ADGRA3: variants seen among roughly 807,000 people sequenced by gnomAD.
ADGRA3 encodes the protein G-protein coupled receptor 125.
ADGRA3 carries 56 observed loss-of-function variants against 119.8 expected under a neutral mutation model. That is an observed-to-expected ratio of 0.47 (90% CI 0.38 to 0.58). The LOEUF (loss-of-function observed/expected upper bound fraction) is 0.58. Ranked by LOEUF, ADGRA3 falls within the 20% of genes least tolerant of loss-of-function variation. ADGRA3 has a pLI of 0.00. For synonymous variants in ADGRA3, 607 were observed against 623.8 expected, an observed-to-expected ratio of 0.97 and a Z score of 0.40; for missense variants, 1,516 against 1,649.0, an observed-to-expected ratio of 0.92 and a Z score of 1.40.
At chr4:22,491,777 T>C (rs1371975710) in intron 1 of ADGRA3, among the ~76,000 whole-genome samples, 1 of 152,232 alleles carries the variant, frequency 6.6e-6, no homozygotes, top group Non-Finnish European at 1.5e-5. Flanking sequence ...GCCCAATCTT[T>C]GTCCCATACT....
chr4:22,395,904 A>T (rs1168121690), intron 16 of ADGRA3, among the ~76,000 whole-genome samples: 1 of 152,178 alleles, frequency 6.6e-6, no homozygotes. Flanking sequence ...TTCCAAATAC[A>T]TCTCTTGTGC....
intron 4 of ADGRA3, among the ~76,000 whole-genome samples, chr4:22,452,875 T>C (rs550704912): frequency 6.6e-6 from 1 of 152,266 alleles, no homozygotes; most frequent in East Asian, 1.9e-4. Context: ...CACAGATGTA[T>C]GGTTTTGTCA....
intron 7 of ADGRA3, 72 bp from the exon 8 acceptor site, chr4:22,438,492 T>G (rs901572752): frequency 1.7e-6 from 2 of 1,194,090 alleles, no homozygotes; most frequent in East Asian, 5.0e-5. Context: ...TGGGTCTCAA[T>G]CATTAATTTA....
intron 16 of ADGRA3, chr4:22,394,496 C>T (rs1162133300): frequency 6.6e-6 from 1 of 152,126 alleles, no homozygotes; most frequent in Non-Finnish European, 1.5e-5. Flanking sequence ...ATAAAATAAC[C>T]CTTTTGAGCT....
chr4:22,498,367 C>T (rs1718920120), intron 1 of ADGRA3, among the ~76,000 whole-genome samples: 1 of 152,048 alleles, frequency 6.6e-6, no homozygotes, highest in Non-Finnish European at 1.5e-5. Context: ...ACCTGTAATC[C>T]CAGCACTTTG....
chr4:22,408,026 T>C lies in ADGRA3; in HGVS notation c.2232+5156A>G, dbSNP rs1427360494. Among the ~76,000 whole-genome samples, 3 of 151,944 alleles carry C rather than the reference T, an allele frequency of 2.0e-5. No individual in the cohort carries two copies. In the East Asian group the frequency reaches 5.8e-4, roughly 29 times the overall value. ...TTTTAAAATAGATTGAAATCAGAAATGTAAAAAAACAAAAATGTTAAAAGA... is the reference window on the plus strand; with the variant it reads ...TTTTAAAATAGATTGAAATCAGAAACGTAAAAAAACAAAAATGTTAAAAGA... On this transcript the variant is annotated intron_variant, in intron 14 of 18. Coordinates refer to ENST00000334304, the MANE Select transcript of ADGRA3 (RefSeq NM_145290.4).
Position 22,387,781 on chromosome 4 carries a change from T to C in ADGRA3, c.3890A>G (p.Gln1297Arg). The change falls in exon 19 of 19, where the codon CAG becomes CGG. Residue 1297 changes from glutamine (Q) to arginine (R), a missense_variant. Gln to Arg is a conservative substitution (Grantham distance 43). Transcript: ENST00000334304. ...ATCGGTACCGAGCAAGGGTCCCTCC[T>C]GCCCATTGCTTTTAATTGGTCCATT... ...IQNGPIKSNG[Q>R]EGPLLGTDST... The C allele has an allele frequency of 6.2e-7, 1 of 1,614,094 alleles. No homozygotes were observed.
chr4:22,455,741 C>T (rs61792029), intron 3 of ADGRA3: 3 of 962,160 alleles, frequency 3.1e-6, no homozygotes, highest in South Asian at 1.4e-5. Flanking sequence ...TTTAATCAGA[C>T]ACCTGCACTG....
intron 8 of ADGRA3, among the ~76,000 whole-genome samples, chr4:22,436,848 A>C (rs767653269): frequency 2.6e-5 from 4 of 152,236 alleles, no homozygotes; most frequent in Non-Finnish European, 4.4e-5. Context: ...GTTTAATACA[A>C]GTTACCATGG....
At chr4:22,505,749 G>C (rs1344983728) in intron 1 of ADGRA3, among the ~76,000 whole-genome samples, 1 of 151,680 alleles carries the variant, frequency 6.6e-6, no homozygotes, top group Non-Finnish European at 1.5e-5. Flanking sequence ...ACATCAAAAA[G>C]AGCTACAGGG....
At chr4:22,465,167 G>A (rs1717610977) in intron 2 of ADGRA3, among the ~76,000 whole-genome samples, 1 of 152,140 alleles carries the variant, frequency 6.6e-6, no homozygotes, top group South Asian at 2.1e-4. Flanking sequence ...TATAATTATT[G>A]CTATCAATTA....
intron 4 of ADGRA3, among the ~76,000 whole-genome samples, chr4:22,450,713 G>A (rs186039479): frequency 5.9e-5 from 9 of 152,012 alleles, no homozygotes; most frequent in African/African-American, 2.2e-4. Flanking sequence ...GTAAAGGAAG[G>A]GGAAATGCAA....
chr4:22,426,242 C>T (rs1470241056), intron 10 of ADGRA3, among the ~76,000 whole-genome samples: 1 of 152,026 alleles, frequency 6.6e-6, no homozygotes, highest in Non-Finnish European at 1.5e-5. Flanking sequence ...CTGTAAAGTC[C>T]CACTCTCCCC....
At chr4:22,515,013 A>C (rs141968578) in intron 1 of ADGRA3, among the ~76,000 whole-genome samples, 2 of 152,338 alleles carry the variant, frequency 1.3e-5, no homozygotes, top group East Asian at 3.9e-4. Flanking sequence ...GGTGCTCTTT[A>C]ACTGTAATAA....
chr4:22,402,535 G>T, intron 15 of ADGRA3, 140 bp downstream of exon 15: 1 of 746,632 alleles, frequency 1.3e-6, no homozygotes, highest in Non-Finnish European at 2.2e-6. Context: ...TGAAATGAAG[G>T]CATGTATATA....
intron 2 of ADGRA3, among the ~76,000 whole-genome samples, chr4:22,466,138 T>A (rs952483008): frequency 6.6e-6 from 1 of 152,208 alleles, no homozygotes; most frequent in African/African-American, 2.4e-5. Flanking sequence ...TCAGGTGCGT[T>A]AAGGTAACTT....
Position 22,435,457 on chromosome 4 carries a change from T to G in ADGRA3, c.1297A>C (p.Asn433His). ...VLYMFNQMPL[N>H]LTNAVATARQ... ...GCTGTTGCCACGGCATTGGTAAGAT[T>G]GAGGGGCATCTACATTTCAAAGGCA... Residue 433 changes from asparagine to histidine, a missense_variant, in exon 10 of 19, where the codon AAT (asparagine) becomes CAT (histidine). Physicochemically the swap from Asn to His is moderately conservative, Grantham distance 68 (BLOSUM62 1). Around this residue, in one of 2 missense-constraint regions of ADGRA3, gnomAD observed 1,088 missense variants for 1,107.1 expected, o/e 0.98. Transcript: ENST00000334304. 1 of 1,592,912 alleles carries G rather than the reference T, an allele frequency of 6.3e-7. No homozygotes were observed. Among genetic ancestry groups the G allele is most frequent in the Non-Finnish European group, 8.6e-7 (1 of 1,163,914 alleles).
At chr4:22,428,448 G>A (rs546283140) in intron 10 of ADGRA3, among the ~76,000 whole-genome samples, 11 of 152,150 alleles carry the variant, frequency 7.2e-5, no homozygotes, top group Middle Eastern at 3.4e-3. Context: ...GATCTAGGCC[G>A]TTCCATATTT....
chr4:22,475,497 G>T (rs1577370875), intron 1 of ADGRA3, among the ~76,000 whole-genome samples: 1 of 152,290 alleles, frequency 6.6e-6, no homozygotes, highest in Non-Finnish European at 1.5e-5. Context: ...GGAGGCCGAG[G>T]CGGGTGGATT....
Sources: allele counts gnomAD v4.1 joint callset (sites outside exome capture counted in the v4.1 genomes callset), GRCh38; gene constraint gnomAD v4.1.1; regional missense constraint gnomAD v4.1.1; transcripts MANE v1.5; gene names NCBI Gene and HGNC (gene_info 2026-07-23, HGNC 2026-07-21).